The following LRRK2 variants were observed in gnomAD, a reference collection of about 807,000 sequenced individuals.
LRRK2 encodes the protein leucine-rich repeat serine/threonine-protein kinase 2.
In LRRK2, 203 loss-of-function variants were observed where a neutral mutation model predicts 302.6. That is an observed-to-expected ratio of 0.67 (90% CI 0.60 to 0.75). The LOEUF (loss-of-function observed/expected upper bound fraction) is 0.75, where lower values mean the gene tolerates loss of function less well. Among genes scored for constraint, LRRK2 ranks in the 30% least tolerant of loss-of-function variants. The pLI, the probability that LRRK2 is intolerant of heterozygous loss-of-function variation, is 0.00. For missense variants in LRRK2, 2,830 were observed against 2,951.0 expected (o/e 0.96, Z 0.95); for synonymous variants, 1,066 against 1,031.9 (o/e 1.03, Z -0.63).
At chr12:40,284,448 A>G (rs1943837200) in intron 19 of LRRK2, among the ~76,000 whole-genome samples, 1 of 147,552 alleles carries the variant, frequency 6.8e-6, no homozygotes, top group African/African-American at 2.4e-5. Context: ...ATTATAAAAA[A>G]GAAAATAAAA....
intron 31 of LRRK2, among the ~76,000 whole-genome samples, chr12:40,310,955 A>C (rs1945017344): frequency 6.6e-6 from 1 of 152,164 alleles, no homozygotes; most frequent in African/African-American, 2.4e-5. Context: ...TTCTGATTCA[A>C]CTTCTTATAG....
chr12:40,278,129 T>C lies in LRRK2; in HGVS notation c.2109T>C (p.Ala703=). 2 of 1,614,112 alleles carry C rather than the reference T, an allele frequency of 1.2e-6. No homozygotes were observed. Among genetic ancestry groups the C allele is most frequent in the Non-Finnish European group, 1.7e-6 (2 of 1,179,996 alleles). Residue 703 remains alanine, a synonymous_variant, in exon 18 of 51, where the codon GCT becomes GCC. Transcript: ENST00000298910. Reference sequence around the variant, plus strand: ...GTTGCAAGTGTTTTGCAAAAGTAGCTATGGATGATTACTTAAAAAATGTGA... The same window carrying C: ...GTTGCAAGTGTTTTGCAAAAGTAGCCATGGATGATTACTTAAAAAATGTGA... The part of the protein sequence containing the change: ...NLCCKCFAKV[A]MDDYLKNVML...
At chr12:40,275,467 C>G (rs1250201631) in intron 16 of LRRK2, among the ~76,000 whole-genome samples, 4 of 152,030 alleles carry the variant, frequency 2.6e-5, no homozygotes, top group Non-Finnish European at 2.9e-5. Flanking sequence ...GTAAGGAATT[C>G]AAGATACTGG....
chr12:40,351,465 A>G, intron 43 of LRRK2, 74 bp from the exon 44 acceptor site: 1 of 1,424,890 alleles, frequency 7.0e-7, no homozygotes. Context: ...ATAACACTTC[A>G]GTCTATATTT....
intron 12 of LRRK2, 58 bp downstream of exon 12, chr12:40,257,435 A>G (rs1293443945): frequency 9.6e-6 from 15 of 1,557,372 alleles, no homozygotes; most frequent in Non-Finnish European, 9.7e-6. Flanking sequence ...GTAGAATATC[A>G]ATATTTCAAG....
rs1463381612 is a variant in LRRK2, at chr12:40,267,727, T to A, written c.1656+3826T>A. Among the ~76,000 whole-genome samples the A allele has an allele frequency of 3.3e-5, 5 of 152,244 alleles. No homozygotes were observed. In the East Asian group the frequency reaches 5.8e-4, roughly 18 times the overall value. Reference sequence around the variant, plus strand: ...TGGGGAAACACAAGTAACAATATTTTATTTCAAAAACCTCTCCACTGTAAT... The same window carrying A: ...TGGGGAAACACAAGTAACAATATTTAATTTCAAAAACCTCTCCACTGTAAT... On this transcript the variant is annotated intron_variant, in intron 14 of 50. Transcript: ENST00000298910.
chr12:40,277,478 C>T (rs1441241185), intron 16 of LRRK2, among the ~76,000 whole-genome samples: 1 of 152,190 alleles, frequency 6.6e-6, no homozygotes, highest in Non-Finnish European at 1.5e-5. Flanking sequence ...AGAGAACCTA[C>T]TGTTCAATAT....
intron 2 of LRRK2, 107 bp from the exon 3 acceptor site, chr12:40,232,167 G>A (rs1436158153): frequency 1.8e-5 from 15 of 824,164 alleles, no homozygotes; most frequent in Non-Finnish European, 2.9e-5. Context: ...TTGTTTACAA[G>A]TGAGATAAGC....
intron 7 of LRRK2, among the ~76,000 whole-genome samples, chr12:40,246,790 G>A (rs1942005502): frequency 6.6e-6 from 1 of 152,126 alleles, no homozygotes; most frequent in African/African-American, 2.4e-5. Context: ...AAACTGGTTT[G>A]TTGAATGCAG....
chr12:40,350,450 G>A (rs182528656), intron 43 of LRRK2, among the ~76,000 whole-genome samples: 1 of 152,190 alleles, frequency 6.6e-6, no homozygotes, highest in East Asian at 1.9e-4. Flanking sequence ...AAATCATTTA[G>A]CATTTTAAAT....
rs1353117545 is a variant in LRRK2, at chr12:40,346,803, G to C, written c.6160G>C (p.Ala2054Pro). 2 of 1,613,828 alleles carry C rather than the reference G, an allele frequency of 1.2e-6. No individual in the cohort carries two copies. The change falls in exon 42 of 51, where the codon GCT becomes CCT. Residue 2054 changes from alanine (A) to proline (P), a missense_variant. Physicochemically the swap from Ala to Pro is conservative, Grantham distance 27. This residue lies in a region of LRRK2 where 253 missense variants were observed against 346.7 expected (regional missense o/e 0.73). Coordinates refer to ENST00000298910, the MANE Select transcript of LRRK2 (RefSeq NM_198578.4). Reference protein sequence around the residue: ...ARGNVIYNQQADVYSFGLLLY... With the variant: ...ARGNVIYNQQPDVYSFGLLLY... ...AGGAAATGTCATTTATAACCAACAG[G>C]CTGATGTTTATTCATTTGGTTTACT...
Position 40,340,452 on chromosome 12 carries a change from C to T in LRRK2, c.6107C>T (p.Pro2036Leu), listed in dbSNP as rs1374106660. The T allele has an allele frequency of 6.2e-7, 1 of 1,613,710 alleles. No homozygotes were observed. Among genetic ancestry groups the T allele is most frequent in the Non-Finnish European group, 8.5e-7 (1 of 1,179,740 alleles). The change falls in exon 41 of 51, where the codon CCA becomes CTA. Residue 2036 changes from proline (P) to leucine (L), a missense_variant and splice_region_variant. Pro to Leu is a moderately conservative substitution (Grantham distance 98). Transcript: ENST00000298910. ...RMGIKTSEGT[P>L]GFRAPEVARG... ...GGGATAAAAACATCAGAGGGCACAC[C>T]AGGTAGGTGATCAGGTCTGTCTCAT...
At chr12:40,312,147 T>C (rs1479248408) in intron 31 of LRRK2, among the ~76,000 whole-genome samples, 2 of 152,170 alleles carry the variant, frequency 1.3e-5, no homozygotes, top group East Asian at 3.8e-4. Flanking sequence ...ATAAGATGGT[T>C]CATTAAGCTG....
At chr12:40,325,681 C>T (rs1945527183) in intron 38 of LRRK2, among the ~76,000 whole-genome samples, 1 of 152,174 alleles carries the variant, frequency 6.6e-6, no homozygotes, top group South Asian at 2.1e-4. Context: ...GTAGCGACTC[C>T]AGCATCTTTA....
In LRRK2 at chr12:40,243,570, A is replaced by T. The variant is rs775681550; in HGVS notation, c.727A>T (p.Met243Leu). 2 of 1,611,800 alleles carry T rather than the reference A, an allele frequency of 1.2e-6. No individual in the cohort carries two copies. The highest frequency in any genetic ancestry group is 1.1e-5 in the South Asian group (1 of 91,044). ...AIPCNNVEVL[M>L]SGNVRCYNIV... ...TTCAGGCAATAATGTGGAAGTCCTC[A>T]TGAGTGGCAATGTCAGGTGTTATAA... Residue 243 changes from methionine to leucine, a missense_variant, in exon 7 of 51, where the codon ATG becomes TTG. Met to Leu is a conservative substitution (Grantham distance 15). Transcript: ENST00000298910.
In LRRK2 at chr12:40,351,558, C is replaced by G. The variant is rs779454636; in HGVS notation, c.6401C>G (p.Ser2134Ter). The G allele has an allele frequency of 6.2e-7, 1 of 1,614,076 alleles. No individual in the cohort carries two copies. Among genetic ancestry groups the G allele is most frequent in the Non-Finnish European group, 8.5e-7 (1 of 1,179,996 alleles). Residue 2134 changes from serine (S) to a stop codon, truncating the protein, a stop_gained, in exon 44 of 51, where the codon TCA becomes TGA. Transcript: ENST00000298910. LOFTEE classifies it high-confidence loss of function. Reference sequence around the variant, plus strand: ...TCTCAGGTCTTTGACATTTTGAATTCAGCTGAATTAGTCTGTCTGACGAGA... The same window carrying G: ...TCTCAGGTCTTTGACATTTTGAATTGAGCTGAATTAGTCTGTCTGACGAGA... ...TSAQVFDILN[S>*]AELVCLTRRI...
At chr12:40,335,647 T>C (rs1945847063) in intron 40 of LRRK2, among the ~76,000 whole-genome samples, 1 of 152,208 alleles carries the variant, frequency 6.6e-6, no homozygotes, top group African/African-American at 2.4e-5. Context: ...CTGTGGTCTT[T>C]GAAGACAAAA....
intron 2 of LRRK2, among the ~76,000 whole-genome samples, chr12:40,229,586 T>A (rs1378690054): frequency 6.6e-6 from 1 of 152,208 alleles, no homozygotes; most frequent in Non-Finnish European, 1.5e-5. Context: ...TAAATGAAAG[T>A]GGCTAAAATT....
intron 2 of LRRK2, among the ~76,000 whole-genome samples, chr12:40,228,075 A>G (rs904007141): frequency 3.3e-5 from 5 of 152,150 alleles, no homozygotes; most frequent in Admixed American, 1.3e-4. Context: ...TGATATACTG[A>G]TGTTCTTTTT....
Sources: allele counts gnomAD v4.1 joint callset (sites outside exome capture counted in the v4.1 genomes callset), GRCh38; gene constraint gnomAD v4.1.1; regional missense constraint gnomAD v4.1.1; transcripts MANE v1.5; gene names NCBI Gene and HGNC (gene_info 2026-07-23, HGNC 2026-07-21).